The following CDK10 variants were observed in gnomAD, a reference collection of about 807,000 sequenced individuals.
CDK10 encodes cyclin dependent kinase 10.
Under a neutral mutation model 51.0 loss-of-function variants are expected in CDK10, and 55 were observed. The observed-to-expected ratio is 1.08, with a 90% CI of 0.87 to 1.35. The LOEUF (loss-of-function observed/expected upper bound fraction) is 1.35, where lower values mean the gene tolerates loss of function less well. Among genes scored for constraint, CDK10 ranks in the 40% most tolerant of loss-of-function variants. The probability of loss-of-function intolerance (pLI) is 0.00; values close to 1 mark genes in which losing one functional copy is unlikely to be tolerated. For missense variants in CDK10, 589 were observed against 485.1 expected, an observed-to-expected ratio of 1.21 and a Z score of -2.01; for synonymous variants, 255 against 199.1, an observed-to-expected ratio of 1.28 and a Z score of -2.36.
chr16:89,695,460 G>T, intron 12 of CDK10, 115 bp downstream of exon 12: 1 of 1,472,666 alleles, frequency 6.8e-7, no homozygotes, highest in Non-Finnish European at 9.4e-7. Flanking sequence ...ACCCTTTCTG[G>T]GGTAAGAGGA....
intron 1 of CDK10, chr16:89,687,402 G>C (rs932946550): frequency 1.0e-4 from 44 of 441,178 alleles, no homozygotes; most frequent in Non-Finnish European, 1.7e-4. Context: ...ACTGCTGGCT[G>C]GTGCTCTGAG....
intron 10 of CDK10, 39 bp from the exon 11 acceptor site, chr16:89,694,892 T>C (rs370443461): frequency 1.5e-6 from 2 of 1,334,376 alleles, no homozygotes; most frequent in Middle Eastern, 2.4e-4. Flanking sequence ...CCCCCGCCCG[T>C]GCCCACGCCC....
rs372025397 is a variant in CDK10 at position 89,689,361 on chromosome 16, G to C, written c.160+37G>C. The C allele has an allele frequency of 1.5e-5, 23 of 1,585,260 alleles. No homozygotes were observed. In the South Asian group the frequency reaches 2.0e-4, roughly 14 times the overall value. On this transcript the variant is annotated intron_variant, in intron 2 of 12. Coordinates refer to ENST00000353379, the MANE Select transcript of CDK10 (RefSeq NM_052988.5). ...AGGCTAGGACATGTGGCCGCAGCTCGTGGCTGTGACAGTGTGGGACGAGAC... is the reference window on the plus strand; with the variant it reads ...AGGCTAGGACATGTGGCCGCAGCTCCTGGCTGTGACAGTGTGGGACGAGAC...
intron 9 of CDK10, 55 bp from the exon 10 acceptor site, chr16:89,694,610 G>C: frequency 6.4e-7 from 1 of 1,556,656 alleles, no homozygotes; most frequent in Non-Finnish European, 8.7e-7. Context: ...TCTGTTCCTC[G>C]CGCTGGCGGG....
In CDK10 at chr16:89,689,309, A is replaced by C. The variant is rs1319596174; in HGVS notation, c.145A>C (p.Thr49Pro). Residue 49 changes from threonine to proline, a missense_variant, in exon 2 of 13, where the codon ACC becomes CCC. By Grantham distance (38) the Thr-to-Pro change is conservative. Coordinates refer to ENST00000353379, the MANE Select transcript of CDK10 (RefSeq NM_052988.5). ...GAAGCTGAACCGCATTGGAGAGGGT[A>C]CCTACGGCATTGTGTGTGAGTGGCC... ...FEKLNRIGEG[T>P]YGIVYRARDT... 6.2e-7 allele frequency: 1 copy of C among 1,613,836 alleles called. No homozygotes were observed. The highest frequency in any genetic ancestry group is 1.3e-5 in the African/African-American group (1 of 74,898).
At chr16:89,692,259 A>C in intron 5 of CDK10, 190 bp from the exon 6 acceptor site, 1 of 533,710 alleles carries the variant, frequency 1.9e-6, no homozygotes, top group Non-Finnish European at 3.3e-6. Context: ...CCCGGGGCCA[A>C]GAGCCTTGTG....
intron 3 of CDK10, 95 bp downstream of exon 3, chr16:89,690,719 T>A: frequency 9.0e-7 from 1 of 1,111,220 alleles, no homozygotes; most frequent in Non-Finnish European, 1.4e-6. Context: ...GCACGGTGCT[T>A]GTAGCGGGGG....
At chr16:89,693,842 C>A in intron 8 of CDK10, 1 of 551,574 alleles carries the variant, frequency 1.8e-6, no homozygotes, top group Admixed American at 3.1e-5. Context: ...CATGCTTAGC[C>A]AGGGCTGAAT....
Position 89,691,898 on chromosome 16 carries a change from G to A in CDK10, c.417+11G>A. The A allele has an allele frequency of 1.2e-6, 2 of 1,613,040 alleles. No homozygotes were observed. Among genetic ancestry groups the A allele is most frequent in the African/African-American group, 1.3e-5 (1 of 75,020 alleles). ...TTCTCGGAGGCTCAGGTGCGTGGCAGAGGGGCCTGGGGTGGGGGAATGGGC... is the reference window on the plus strand; with the variant it reads ...TTCTCGGAGGCTCAGGTGCGTGGCAAAGGGGCCTGGGGTGGGGGAATGGGC... On this transcript the variant is annotated intron_variant, in intron 5 of 12. Coordinates refer to ENST00000353379, the MANE Select transcript of CDK10 (RefSeq NM_052988.5).
chr16:89,693,843 A>T (rs1478687841), intron 8 of CDK10: 2 of 550,926 alleles, frequency 3.6e-6, no homozygotes, highest in East Asian at 6.3e-5. Context: ...ATGCTTAGCC[A>T]GGGCTGAATA....
At chr16:89,687,718 G>A (rs1472418077) in intron 1 of CDK10, 2 of 393,818 alleles carry the variant, frequency 5.1e-6, no homozygotes, top group South Asian at 1.8e-5. Flanking sequence ...GTGAGCCACC[G>A]CCCCCAGCCT....
intron 9 of CDK10, 177 bp from the exon 10 acceptor site, chr16:89,694,488 C>A: frequency 8.5e-7 from 1 of 1,177,354 alleles, no homozygotes; most frequent in Non-Finnish European, 1.2e-6. Context: ...CCCCGGGAGG[C>A]CTGCGGGGCC....
At position 89,694,913 on chromosome 16, in the gene CDK10, A is replaced by C; in HGVS notation, c.793-18A>C. ...CCCGTGCCCACGCCCTCTGCGCCTC[A>C]GCTCCTGCCTCCCATAGGGCTTTTC... On this transcript the variant is annotated intron_variant, in intron 10 of 12. Transcript: ENST00000353379. The C allele has an allele frequency of 6.3e-7, 1 of 1,597,920 alleles. No homozygotes were observed. Among genetic ancestry groups the C allele is most frequent in the East Asian group, 2.3e-5 (1 of 44,192 alleles).
chr16:89,689,188 G>A (rs1472598719), intron 1 of CDK10, 64 bp from the exon 2 acceptor site: 1 of 1,475,812 alleles, frequency 6.8e-7, no homozygotes, highest in African/African-American at 1.4e-5. Flanking sequence ...AATTCCATTT[G>A]AAATTTCCTC....
Position 89,689,334 on chromosome 16 carries a change from C to A in CDK10, c.160+10C>A. 1 of 1,612,472 alleles carries A rather than the reference C, an allele frequency of 6.2e-7. No homozygotes were observed. Among genetic ancestry groups the A allele is most frequent in the Non-Finnish European group, 8.5e-7 (1 of 1,178,582 alleles). ...ACCTACGGCATTGTGTGTGAGTGGC[C>A]AAGGCTAGGACATGTGGCCGCAGCT... On this transcript the variant is annotated intron_variant, in intron 2 of 12. Transcript: ENST00000353379.
chr16:89,695,839 T>C lies in CDK10; in HGVS notation c.*147T>C. ...ACATCCTCCACTGACTTCCTCCCAC[T>C]GTCTGCCCTGAACCCACTGCTGCCC... is the stretch of plus-strand genomic sequence containing the variant. On this transcript the variant is annotated 3_prime_UTR_variant, in exon 13 of 13. Transcript: ENST00000353379. The C allele has an allele frequency of 6.6e-7, 1 of 1,521,378 alleles. No individual in the cohort carries two copies. Among genetic ancestry groups the C allele is most frequent in the Non-Finnish European group, 8.8e-7 (1 of 1,130,866 alleles). The allele number at this position is 1,521,378 out of a possible 1,614,324, so 94.2% of individuals were successfully genotyped here. A position where few individuals can be genotyped will look rare whatever the true frequency, so the allele number is the denominator to read the frequency against.
At position 89,694,204 on chromosome 16, in the gene CDK10, A is replaced by T; in HGVS notation, c.640A>T (p.Thr214Ser). Residue 214 changes from threonine (T) to serine (S), a missense_variant, in exon 9 of 13, where the codon ACC (threonine) becomes TCC (serine). Transcript: ENST00000353379. ...AGCCCCTGAACTGCTGTTGGGAACC[A>T]CCACGCAGACCACCAGCATCGACAT... is the stretch of plus-strand genomic sequence containing the variant. ...YRAPELLLGT[T>S]TQTTSIDMWA... 1 of 1,614,022 alleles carries T rather than the reference A, an allele frequency of 6.2e-7. No individual in the cohort carries two copies. Among genetic ancestry groups the T allele is most frequent in the Admixed American group, 1.7e-5 (1 of 60,002 alleles).
At chr16:89,688,667 G>C (rs369802191) in intron 1 of CDK10, among the ~76,000 whole-genome samples, 4 of 152,198 alleles carry the variant, frequency 2.6e-5, no homozygotes, top group African/African-American at 9.6e-5. Context: ...CCAGGAGGTA[G>C]TGATACAGGG....
At position 89,690,541 on chromosome 16, in the gene CDK10, T is replaced by G; in HGVS notation, c.161-12T>G. ...TCGAGATGATGTCATCACCAATGTG[T>G]TTCCATTCCAGATCGGGCCCGGGAC... On this transcript the variant is annotated splice_polypyrimidine_tract_variant and intron_variant, in intron 2 of 12. Coordinates refer to ENST00000353379, the MANE Select transcript of CDK10 (RefSeq NM_052988.5). The G allele has an allele frequency of 6.2e-7, 1 of 1,613,352 alleles. No homozygotes were observed. Among genetic ancestry groups the G allele is most frequent in the Non-Finnish European group, 8.5e-7 (1 of 1,179,368 alleles).
Sources: allele counts gnomAD v4.1 joint callset (sites outside exome capture counted in the v4.1 genomes callset), GRCh38; gene constraint gnomAD v4.1.1; transcripts MANE v1.5; gene names NCBI Gene and HGNC (gene_info 2026-07-23, HGNC 2026-07-21).